Variants in RCBTB1 observed in about 807,000 individuals in gnomAD.
The protein encoded by RCBTB1 is RCC1 and BTB domain-containing protein 1.
RCBTB1 carries 46 observed loss-of-function variants against 62.4 expected under a neutral mutation model. That is an observed-to-expected ratio of 0.74 (90% CI 0.58 to 0.94). The LOEUF (loss-of-function observed/expected upper bound fraction) is 0.94, where lower values mean the gene tolerates loss of function less well. Among genes scored for constraint, RCBTB1 ranks in the 40% least tolerant of loss-of-function variants. The pLI is 0.00. For synonymous variants in RCBTB1, 222 were observed against 245.8 expected (o/e 0.90, Z 0.91); for missense variants, 565 against 654.9 (o/e 0.86, Z 1.50).
intron 2 of RCBTB1, among the ~76,000 whole-genome samples, chr13:49,568,065 C>T (rs1290381801): frequency 5.3e-5 from 8 of 152,224 alleles, no homozygotes; most frequent in Non-Finnish European, 1.2e-4. Context: ...CACCACTGTT[C>T]CCAGTGATCT....
intron 1 of RCBTB1, among the ~76,000 whole-genome samples, chr13:49,584,127 A>C (rs951952290): frequency 3.9e-5 from 6 of 152,248 alleles, no homozygotes; most frequent in African/African-American, 1.2e-4. Flanking sequence ...TTGCTGCAGC[A>C]TACGGGCACG....
chr13:49,582,239 C>T (rs1964144704), intron 1 of RCBTB1, among the ~76,000 whole-genome samples: 1 of 152,140 alleles, frequency 6.6e-6, no homozygotes, highest in African/African-American at 2.4e-5. Flanking sequence ...GTAATCCCAG[C>T]ACTTTGGGAG....
At chr13:49,554,449 T>A (rs995220135) in intron 6 of RCBTB1, among the ~76,000 whole-genome samples, 2 of 152,122 alleles carry the variant, frequency 1.3e-5, no homozygotes, top group African/African-American at 4.8e-5. Flanking sequence ...ATTGATTTTT[T>A]AAAAAATAAG....
At chr13:49,538,437 G>A (rs978225506) in intron 12 of RCBTB1, among the ~76,000 whole-genome samples, 6 of 152,298 alleles carry the variant, frequency 3.9e-5, no homozygotes, top group Non-Finnish European at 8.8e-5. Context: ...GAGGCCTGGC[G>A]CAGTGGCTCA....
intron 5 of RCBTB1, among the ~76,000 whole-genome samples, chr13:49,557,548 TA>T (rs1374821389): frequency 6.8e-5 from 10 of 146,742 alleles, no homozygotes; most frequent in African/African-American, 7.5e-5. Flanking sequence ...ATGGGGTCAC[TA>T]AAAAAAAAAG....
At chr13:49,537,641 G>A (rs545673863) in intron 12 of RCBTB1, among the ~76,000 whole-genome samples, 5 of 152,140 alleles carry the variant, frequency 3.3e-5, no homozygotes, top group African/African-American at 4.8e-5. Context: ...TTCTCTTAAC[G>A]TTCAAATACA....
At chr13:49,565,167 G>A (rs953163569) in intron 4 of RCBTB1, among the ~76,000 whole-genome samples, 5 of 152,314 alleles carry the variant, frequency 3.3e-5, no homozygotes, top group Admixed American at 1.3e-4. Context: ...GGGGCGCGCC[G>A]CCACACCTGA....
At chr13:49,582,338 T>G (rs751311469) in intron 1 of RCBTB1, among the ~76,000 whole-genome samples, 6 of 152,026 alleles carry the variant, frequency 3.9e-5, no homozygotes, top group Non-Finnish European at 8.8e-5. Context: ...AATACAAAAA[T>G]TAGCTGGGCA....
chr13:49,541,591 G>A (rs1417079642), intron 11 of RCBTB1, 85 bp downstream of exon 11: 13 of 1,336,612 alleles, frequency 9.7e-6, no homozygotes, highest in Non-Finnish European at 1.3e-5. Flanking sequence ...CAATACACCT[G>A]AAGCTTTTTA....
rs1030715117 is a variant in RCBTB1 at position 49,558,950 on chromosome 13, T to G, written c.444+968A>C. Among the ~76,000 whole-genome samples the G allele has an allele frequency of 2.0e-5, 3 of 152,354 alleles. No individual in the cohort carries two copies. In the South Asian group the frequency reaches 6.2e-4, roughly 32 times the overall value. ...TGGGTAAATAATTCTCTTATTGCTT[T>G]TATTAATCTTTGTTAAATATATGTA... On this transcript the variant is annotated intron_variant, in intron 5 of 12. Coordinates refer to ENST00000378302, the MANE Select transcript of RCBTB1 (RefSeq NM_018191.4).
rs528166905 is a variant in RCBTB1 at position 49,535,763 on chromosome 13, G to A, written c.1456-1501C>T. Reference sequence around the variant, plus strand: ...CCACAGGCCAGGCGTGGTGGCTCACGCCTGTAATCTCAGCACTTTGGGAGG... The same window carrying A: ...CCACAGGCCAGGCGTGGTGGCTCACACCTGTAATCTCAGCACTTTGGGAGG... On this transcript the variant is annotated intron_variant, in intron 12 of 12. Transcript: ENST00000378302. Among the ~76,000 whole-genome samples, 7 of 152,222 alleles carry A rather than the reference G, an allele frequency of 4.6e-5. No homozygotes were observed. In the South Asian group the frequency reaches 8.3e-4, roughly 18 times the overall value.
intron 10 of RCBTB1, among the ~76,000 whole-genome samples, chr13:49,543,084 G>A (rs900908416): frequency 3.3e-5 from 5 of 152,088 alleles, no homozygotes; most frequent in Non-Finnish European, 5.9e-5. Context: ...CCAACATGGC[G>A]AAACTTTGTC....
At chr13:49,549,717 A>G in intron 8 of RCBTB1, 69 bp from the exon 9 acceptor site, 3 of 1,509,914 alleles carry the variant, frequency 2.0e-6, no homozygotes, top group South Asian at 1.3e-5. Context: ...CACACAAGGC[A>G]ATTTAAAAGT....
chr13:49,557,409 AG>A (rs1435976538), intron 5 of RCBTB1, among the ~76,000 whole-genome samples: 6 of 152,232 alleles, frequency 3.9e-5, no homozygotes, highest in African/African-American at 1.4e-4. Flanking sequence ...CAGAATCAAT[AG>A]GATGAGTGAC....
chr13:49,584,370 C>A (rs1024077098), intron 1 of RCBTB1, among the ~76,000 whole-genome samples: 2 of 152,198 alleles, frequency 1.3e-5, no homozygotes, highest in Non-Finnish European at 2.9e-5. Context: ...GATATTCACA[C>A]AATGGATTAA....
chr13:49,549,510 G>A lies in RCBTB1; in HGVS notation c.993C>T (p.Asp331=), dbSNP rs1961138321. Residue 331 remains aspartate, a synonymous_variant, in exon 9 of 13, where the codon GAC becomes GAT. Coordinates refer to ENST00000378302, the MANE Select transcript of RCBTB1 (RefSeq NM_018191.4). The part of the protein sequence containing the change: ...PHLTHFSCTD[D]VFACFATPAV... ...CGGGAGTGGCAAAGCAGGCAAACAC[G>A]TCGTCGGTGCAGGAGAAGTGGGTGA... 5 of 1,613,806 alleles carry A rather than the reference G, an allele frequency of 3.1e-6. No homozygotes were observed. The highest frequency in any genetic ancestry group is 2.7e-5 in the African/African-American group (2 of 74,968).
chr13:49,562,666 G>A (rs1199225495), intron 4 of RCBTB1, among the ~76,000 whole-genome samples: 1 of 151,770 alleles, frequency 6.6e-6, no homozygotes, highest in Non-Finnish European at 1.5e-5. Flanking sequence ...AGGCTGGAGT[G>A]CAGTGGCGCA....
chr13:49,570,240 A>G (rs1191323688), intron 2 of RCBTB1, among the ~76,000 whole-genome samples: 3 of 152,258 alleles, frequency 2.0e-5, no homozygotes, highest in Non-Finnish European at 4.4e-5. Context: ...TTAAACAAAT[A>G]TGGGCAACTC....
intron 12 of RCBTB1, among the ~76,000 whole-genome samples, chr13:49,536,431 C>T (rs1005280546): frequency 3.3e-5 from 5 of 152,166 alleles, no homozygotes; most frequent in Admixed American, 2.6e-4. Flanking sequence ...AACGCCCTTC[C>T]GACTTGACCT....
Sources: gnomAD v4.1 joint callset for allele counts (sites outside exome capture counted in the v4.1 genomes callset) on GRCh38, gnomAD v4.1.1 for gene constraint, MANE v1.5 for transcripts, NCBI Gene and HGNC (gene_info 2026-07-23, HGNC 2026-07-21) for gene names.